Variants in HEMK2 observed in about 807,000 individuals in gnomAD.
The protein encoded by HEMK2 is HemK methyltransferase 2, ETF1 glutamine and histone H4 lysine, also known as methyltransferase HEMK2.
At chr21:28,779,278 T>C in the HEMK2 span, among the ~76,000 whole-genome samples, 1 of 152,228 alleles carries the variant, frequency 6.6e-6, no homozygotes, top group Non-Finnish European at 1.5e-5. Flanking sequence ...GGAATACTAT[T>C]CAGCCTTTAA....
chr21:28,682,184 T>A, the HEMK2 span, among the ~76,000 whole-genome samples: 2 of 150,404 alleles, frequency 1.3e-5, no homozygotes, highest in Non-Finnish European at 3.0e-5. Flanking sequence ...GAATCTACAA[T>A]GAACTCAAAC....
chr21:28,762,178 G>A, the HEMK2 span, among the ~76,000 whole-genome samples: 1 of 152,082 alleles, frequency 6.6e-6, no homozygotes, highest in Non-Finnish European at 1.5e-5. Context: ...TTGACTCCTG[G>A]AGATGCTGTC....
the HEMK2 span, among the ~76,000 whole-genome samples, chr21:28,726,766 G>A: frequency 6.6e-6 from 1 of 151,696 alleles, no homozygotes; most frequent in African/African-American, 2.4e-5. Context: ...AAATTAGCCG[G>A]GAGTGGTGGT....
chr21:28,726,802 G>A, the HEMK2 span, among the ~76,000 whole-genome samples: 1 of 150,676 alleles, frequency 6.6e-6, no homozygotes, highest in Admixed American at 6.6e-5. Context: ...CAGCTACTTG[G>A]GAGGATGAGG....
At chr21:28,854,673 C>G in the HEMK2 span, among the ~76,000 whole-genome samples, 14 of 152,274 alleles carry the variant, frequency 9.2e-5, no homozygotes, top group Non-Finnish European at 1.5e-4. Flanking sequence ...GGGCAGGAAG[C>G]ATCCAGCACA....
the HEMK2 span, among the ~76,000 whole-genome samples, chr21:28,581,835 C>T: frequency 6.6e-6 from 1 of 152,100 alleles, no homozygotes; most frequent in African/African-American, 2.4e-5. Context: ...AAAATTGAAT[C>T]CAATGATCTT....
chr21:28,700,591 A>G, the HEMK2 span, among the ~76,000 whole-genome samples: 2 of 152,196 alleles, frequency 1.3e-5, no homozygotes, highest in Non-Finnish European at 2.9e-5. Flanking sequence ...CCAAGATTAA[A>G]CCAGAAATAA....
chr21:28,608,109 T>C, the HEMK2 span, among the ~76,000 whole-genome samples: 4 of 152,114 alleles, frequency 2.6e-5, no homozygotes, highest in African/African-American at 9.7e-5. Context: ...ACACTGAATT[T>C]GAAAATAAGG....
chr21:28,670,242 T>G, the HEMK2 span, among the ~76,000 whole-genome samples: 1 of 152,188 alleles, frequency 6.6e-6, no homozygotes, highest in Non-Finnish European at 1.5e-5. Flanking sequence ...AATTTATAGT[T>G]TTGAGAAACA....
the HEMK2 span, among the ~76,000 whole-genome samples, chr21:28,827,751 A>G: frequency 2.0e-5 from 3 of 152,222 alleles, no homozygotes; most frequent in Non-Finnish European, 4.4e-5. Flanking sequence ...CTACTGTTAT[A>G]ATTGCATGCA....
chr21:28,640,866 G>A, the HEMK2 span, among the ~76,000 whole-genome samples: 1 of 152,190 alleles, frequency 6.6e-6, no homozygotes, highest in Non-Finnish European at 1.5e-5. Flanking sequence ...GGTCTGCCCT[G>A]CAGGAGATCA....
chr21:28,866,217 T>C, the HEMK2 span, among the ~76,000 whole-genome samples: 2 of 144,786 alleles, frequency 1.4e-5, no homozygotes, highest in Non-Finnish European at 3.0e-5. Context: ...GGCCCGTACC[T>C]GTAATCCCAG....
chr21:28,734,370 A>G, the HEMK2 span, among the ~76,000 whole-genome samples: 1 of 152,206 alleles, frequency 6.6e-6, no homozygotes, highest in Non-Finnish European at 1.5e-5. Flanking sequence ...CTGCCACGGC[A>G]TGTCTGCTTT....
At chr21:28,828,110 G>T in the HEMK2 span, among the ~76,000 whole-genome samples, 6 of 152,168 alleles carry the variant, frequency 3.9e-5, no homozygotes, top group African/African-American at 1.4e-4. Flanking sequence ...AAACATGTTT[G>T]CATGTTCATA....
the HEMK2 span, among the ~76,000 whole-genome samples, chr21:28,684,127 C>T: frequency 1.3e-5 from 2 of 152,154 alleles, no homozygotes; most frequent in African/African-American, 4.8e-5. Context: ...TATATGCAGA[C>T]CACAAATTTG....
At chr21:28,718,350 G>C in the HEMK2 span, among the ~76,000 whole-genome samples, 1 of 152,202 alleles carries the variant, frequency 6.6e-6, no homozygotes, top group Non-Finnish European at 1.5e-5. Flanking sequence ...AGATGTGCTT[G>C]ATCTTAGAGT....
the HEMK2 span, among the ~76,000 whole-genome samples, chr21:28,670,166 G>A: frequency 6.6e-6 from 1 of 151,992 alleles, no homozygotes; most frequent in African/African-American, 2.4e-5. Flanking sequence ...ATGGAAGCAT[G>A]TTTTCCATTA....
chr21:28,767,766 A>G, the HEMK2 span, among the ~76,000 whole-genome samples: 2 of 152,142 alleles, frequency 1.3e-5, no homozygotes, highest in African/African-American at 4.8e-5. Flanking sequence ...TTGGTGTCTC[A>G]GGAGTGACTT....
the HEMK2 span, among the ~76,000 whole-genome samples, chr21:28,800,905 C>G: frequency 1.3e-3 from 205 of 152,304 alleles, 2 homozygotes; most frequent in African/African-American, 4.8e-3. Flanking sequence ...TGGGGCCCAT[C>G]ATTGACTAAG....
Sources: gnomAD v4.1 joint callset for allele counts (sites outside exome capture counted in the v4.1 genomes callset) on GRCh38, gnomAD v4.1.1 for gene constraint, MANE v1.5 for transcripts, NCBI Gene and HGNC (gene_info 2026-07-23, HGNC 2026-07-21) for gene names.